CLEC4F: variants seen among roughly 807,000 people sequenced by gnomAD.
CLEC4F encodes C-type (calcium dependent, carbohydrate-recognition domain) lectin, superfamily member 13.
A neutral mutation model predicts 53.4 loss-of-function variants in CLEC4F; 45 were observed. The ratio of observed to expected loss-of-function variants is 0.84; its 90% CI spans 0.66 to 1.08. The LOEUF (loss-of-function observed/expected upper bound fraction) is 1.08. Among genes scored for constraint, CLEC4F ranks in the 50% least tolerant of loss-of-function variants. CLEC4F has a pLI of 0.00. For synonymous variants in CLEC4F, 245 were observed against 257.5 expected, an observed-to-expected ratio of 0.95 and a Z score of 0.46; for missense variants, 753 against 698.2, an observed-to-expected ratio of 1.08 and a Z score of -0.88.
intron 4 of CLEC4F, among the ~76,000 whole-genome samples, chr2:70,814,859 G>GT (rs1177564488): frequency 0.011 from 1,537 of 146,224 alleles, 29 homozygotes; most frequent in African/African-American, 0.037. Context: ...AAAAATCACA[G>GT]TTCTGGAGGT....
intron 5 of CLEC4F, chr2:70,811,507 ATG>A (rs1362731857): frequency 2.3e-6 from 1 of 441,130 alleles, no homozygotes; most frequent in Admixed American, 3.1e-5. Flanking sequence ...TATTAAGAAG[ATG>A]TGTTTTACGA....
Position 70,808,772 on chromosome 2 carries a change from A to G in CLEC4F, c.*499T>C. The G allele has an allele frequency of 2.6e-6, 1 of 383,578 alleles. No individual in the cohort carries two copies. The highest frequency in any genetic ancestry group is 4.9e-6 in the Non-Finnish European group (1 of 203,214). 23.8% of individuals were successfully genotyped at this position (383,578 alleles called of 1,614,324 possible). A position where few individuals can be genotyped will look rare whatever the true frequency, so the allele number is the denominator to read the frequency against. Reference sequence around the variant, plus strand: ...CTGATGTCACTGGGTCACTCGAGGTAAGCATGTTTGAAAGGGCTGAATCAA... The same window carrying G: ...CTGATGTCACTGGGTCACTCGAGGTGAGCATGTTTGAAAGGGCTGAATCAA... On this transcript the variant is annotated 3_prime_UTR_variant, in exon 7 of 7. Transcript: ENST00000272367.
intron 5 of CLEC4F, chr2:70,811,109 C>T (rs2104628971): frequency 4.4e-6 from 3 of 682,156 alleles, no homozygotes; most frequent in Non-Finnish European, 8.1e-6. Context: ...CTAGTATAGT[C>T]TATAGCACGA....
At chr2:70,818,269 A>G (rs1197292726) in intron 3 of CLEC4F, among the ~76,000 whole-genome samples, 2 of 152,212 alleles carry the variant, frequency 1.3e-5, no homozygotes, top group Admixed American at 1.3e-4. Flanking sequence ...ACGGAAGTAG[A>G]CCCCCACACA....
chr2:70,809,018 C>T lies in CLEC4F; in HGVS notation c.*253G>A. 5.6e-6 allele frequency: 8 copies of T among 1,439,282 alleles called. No homozygotes were observed. The highest frequency in any genetic ancestry group is 7.6e-6 in the Non-Finnish European group (8 of 1,059,180). 89.2% of individuals were successfully genotyped at this position (1,439,282 alleles called of 1,614,324 possible). On this transcript the variant is annotated 3_prime_UTR_variant, in exon 7 of 7. Transcript: ENST00000272367. ...TCATTCCACTTCTGCTGAATTTGGA[C>T]ACAGTCTTCAGTCTGCCCATTCTTG...
In CLEC4F at chr2:70,808,993, T is replaced by G. The variant is rs1676386951; in HGVS notation, c.*278A>C. On this transcript the variant is annotated 3_prime_UTR_variant, in exon 7 of 7. Transcript: ENST00000272367. The stretch of plus-strand genomic sequence containing the variant: ...CTGATAGGGGGTGTCACAGGTCATG[T>G]CATTCCACTTCTGCTGAATTTGGAC... 1 of 1,280,978 alleles carries G rather than the reference T, an allele frequency of 7.8e-7. No homozygotes were observed. The highest frequency in any genetic ancestry group is 2.5e-5 in the East Asian group (1 of 39,682). 79.4% of individuals were successfully genotyped at this position (1,280,978 alleles called of 1,614,324 possible). A position where few individuals can be genotyped will look rare whatever the true frequency, so the allele number is the denominator to read the frequency against.
At chr2:70,819,541 A>G (rs1338630368) in intron 2 of CLEC4F, 97 bp from the exon 3 acceptor site, 11 of 1,196,680 alleles carry the variant, frequency 9.2e-6, no homozygotes, top group Non-Finnish European at 1.4e-5. Flanking sequence ...AACCGGGGAG[A>G]TAGCAGCAAA....
upstream of CLEC4F, among the ~76,000 whole-genome samples, chr2:70,823,568 G>A (rs901951800): frequency 1.3e-5 from 2 of 152,190 alleles, no homozygotes; most frequent in African/African-American, 4.8e-5. Context: ...GTCTGGGCCA[G>A]GAGAGGGGCA....
chr2:70,812,442 C>G lies in CLEC4F; in HGVS notation c.1539+5G>C, dbSNP rs782376109. ...CCAACAACACCCCATGCTCGCAGCT[C>G]TGACCTGCTCCTCCTTGGAGGCCAC... On this transcript the variant is annotated splice_donor_5th_base_variant and intron_variant, in intron 5 of 6. Transcript: ENST00000272367. The G allele has an allele frequency of 1.9e-6, 3 of 1,613,728 alleles. No homozygotes were observed. In the Admixed American group the frequency reaches 5.0e-5, roughly 27 times the overall value.
upstream of CLEC4F, chr2:70,820,627 AT>A (rs1268167657): frequency 1.0e-5 from 12 of 1,154,054 alleles, no homozygotes; most frequent in Non-Finnish European, 1.2e-5. Context: ...ACCCACACTT[AT>A]ATGCTCCTGA....
At chr2:70,809,608 A>G (rs1553393658) in intron 6 of CLEC4F, 131 bp downstream of exon 6, 1 of 813,520 alleles carries the variant, frequency 1.2e-6, no homozygotes, top group East Asian at 2.5e-5. Context: ...CACATACACC[A>G]CATACACACC....
intron 5 of CLEC4F, 62 bp from the exon 6 acceptor site, chr2:70,809,919 C>T: frequency 1.0e-6 from 1 of 999,522 alleles, no homozygotes; most frequent in Non-Finnish European, 1.6e-6. Flanking sequence ...TCCAGGCCAC[C>T]TGGAGAACCT....
chr2:70,816,897 A>G lies in CLEC4F; in HGVS notation c.484T>C (p.Leu162=), dbSNP rs200651188. The G allele has an allele frequency of 1.2e-6, 2 of 1,614,154 alleles. No individual in the cohort carries two copies. The highest frequency in any genetic ancestry group is 1.7e-6 in the Non-Finnish European group (2 of 1,180,024). ...CTTAACATCTGTGTCTGCAAACTCAATGTAGTGGCATCCTTTAGAACTCCT... is the reference window on the plus strand; with the variant it reads ...CTTAACATCTGTGTCTGCAAACTCAGTGTAGTGGCATCCTTTAGAACTCCT... The part of the protein sequence containing the change: ...VKGVLKDATT[L]SLQTQMLRSS... The change falls in exon 4 of 7, where the codon TTG becomes CTG. Residue 162 remains leucine (L), a synonymous_variant. Transcript: ENST00000272367.
In CLEC4F at chr2:70,819,831, G is replaced by T. The variant is rs1553397488; in HGVS notation, c.122C>A (p.Thr41Asn). 6 of 1,609,786 alleles carry T rather than the reference G, an allele frequency of 3.7e-6. No homozygotes were observed. Among genetic ancestry groups the T allele is most frequent in the Non-Finnish European group, 4.2e-6 (5 of 1,178,110 alleles). Residue 41 changes from threonine (T) to asparagine (N), a missense_variant, in exon 2 of 7, where the codon ACC (threonine) becomes AAC (asparagine). By Grantham distance (65) the Thr-to-Asn change is moderately conservative. Transcript: ENST00000272367. ...CAAGGTCACAGCCATAAATGCCGGG[G>T]TAGCCTGAACGAGCCTCGGTATCTT... is the stretch of plus-strand genomic sequence containing the variant. The part of the protein sequence containing the change: ...APKIPRLVQA[T>N]PAFMAVTLVF...
chr2:70,819,971 T>TGCA, intron 1 of CLEC4F, 80 bp from the exon 2 acceptor site: 1 of 899,840 alleles, frequency 1.1e-6, no homozygotes, highest in Non-Finnish European at 1.7e-6. Context: ...AGACACAGCC[T>TGCA]CTCTGATTCT....
At position 70,809,744 on chromosome 2, in the gene CLEC4F, G is replaced by T. The variant is rs782301690; in HGVS notation, c.1653C>A (p.Asn551Lys). 5 of 1,613,418 alleles carry T rather than the reference G, an allele frequency of 3.1e-6. No homozygotes were observed. In the South Asian group the frequency reaches 5.5e-5, roughly 18 times the overall value. Residue 551 changes from asparagine to lysine, a missense_variant, in exon 6 of 7, where the codon AAC (asparagine) becomes AAA (lysine). Asn to Lys is a moderately conservative substitution (Grantham distance 94). Coordinates refer to ENST00000272367, the MANE Select transcript of CLEC4F (RefSeq NM_173535.3). ...CAGATGGTGGCTAGACTCACGCTTTGTTCTGGGCGGCGTTGAATGGTGTCC... is the reference window on the plus strand; with the variant it reads ...CAGATGGTGGCTAGACTCACGCTTTTTTCTGGGCGGCGTTGAATGGTGTCC... Reference protein sequence around the residue: ...TDGTPFNAAQNKAPGSKGSCP... With the variant: ...TDGTPFNAAQKKAPGSKGSCP...
chr2:70,814,776 C>T (rs552246264), intron 4 of CLEC4F, among the ~76,000 whole-genome samples: 1 of 151,660 alleles, frequency 6.6e-6, no homozygotes, highest in South Asian at 2.1e-4. Flanking sequence ...TAGTTCTCAG[C>T]CCAGATGCCA....
Position 70,815,962 on chromosome 2 carries a change from C to A in CLEC4F, c.1387+32G>T, listed in dbSNP as rs782517859. The A allele has an allele frequency of 3.8e-6, 6 of 1,588,698 alleles. No individual in the cohort carries two copies. The South Asian group carries it at 6.9e-5, about 18-fold the overall frequency. On this transcript the variant is annotated intron_variant, in intron 4 of 6. Transcript: ENST00000272367. The stretch of plus-strand genomic sequence containing the variant: ...CTCTACCCTCTCAAGAGACTGTGCC[C>A]TCCCCAAACGCGACTCCCCTCTCCC...
chr2:70,811,476 G>A, intron 5 of CLEC4F: 1 of 537,894 alleles, frequency 1.9e-6, no homozygotes, highest in Non-Finnish European at 3.6e-6. Context: ...CATGACCATA[G>A]TGCCAGCACC....
Sources: allele counts gnomAD v4.1 joint callset (sites outside exome capture counted in the v4.1 genomes callset), GRCh38; gene constraint gnomAD v4.1.1; transcripts MANE v1.5; gene names NCBI Gene and HGNC (gene_info 2026-07-23, HGNC 2026-07-21).